C17orf100: variants seen among roughly 807,000 people sequenced by gnomAD.
C17orf100 encodes uncharacterized protein C17orf100.
A neutral mutation model predicts 0.7 loss-of-function variants in C17orf100; 1 was observed. The ratio of observed to expected loss-of-function variants is 1.50; its 90% CI spans 0.53 to 7.13. C17orf100 has a LOEUF of 7.13. Ranked by LOEUF, C17orf100 falls within the 30% of genes most tolerant of loss-of-function variation. The pLI, the probability that C17orf100 is intolerant of heterozygous loss-of-function variation, is 0.14. For missense variants in C17orf100, 168 were observed against 171.5 expected (o/e 0.98, Z 0.11); for synonymous variants, 87 against 84.0 (o/e 1.04, Z -0.20).
At position 6,651,871 on chromosome 17, in the gene C17orf100, G is replaced by C. The variant is rs1255449141; in HGVS notation, c.-43G>C. 1.2e-5 allele frequency: 18 copies of C among 1,456,228 alleles called. No individual in the cohort carries two copies. The highest frequency in any genetic ancestry group is 1.6e-5 in the Non-Finnish European group (18 of 1,103,864). The allele number at this position is 1,456,228 out of a possible 1,614,324, so 90.2% of individuals were successfully genotyped here. A position where few individuals can be genotyped will look rare whatever the true frequency, so the allele number is the denominator to read the frequency against. On this transcript the variant is annotated 5_prime_UTR_variant, in exon 1 of 1. Transcript: ENST00000542475. Reference sequence around the variant, plus strand: ...TTCTGCCTGCGGTGACCATTGGGCTGTAGGGTGCCCCGAGGCCTCCCTGGC... The same window carrying C: ...TTCTGCCTGCGGTGACCATTGGGCTCTAGGGTGCCCCGAGGCCTCCCTGGC...
Position 6,652,260 on chromosome 17 carries a change from C to T in C17orf100, c.347C>T (p.Thr116Met), listed in dbSNP as rs757329725. The T allele has an allele frequency of 1.9e-6, 3 of 1,611,198 alleles. No individual in the cohort carries two copies. The highest frequency in any genetic ancestry group is 2.5e-6 in the Non-Finnish European group (3 of 1,179,762). The stretch of plus-strand genomic sequence containing the variant: ...CCGGCCGCCCGCCAGAACGAAAAAA[C>T]GGCCCGATGAGATGCTGCTTCCCAA... ...AKPAARQNEKTAR is the reference protein window; with the variant it reads ...AKPAARQNEKMAR The change falls in exon 1 of 1, where the codon ACG (threonine) becomes ATG (methionine). Residue 116 changes from threonine (T) to methionine (M), a missense_variant. Physicochemically the swap from Thr to Met is moderately conservative, Grantham distance 81 (BLOSUM62 -1). Coordinates refer to ENST00000542475, the MANE Select transcript of C17orf100 (RefSeq NM_001105520.2).
rs1329827966 is a variant in C17orf100, at chr17:6,652,294, A to C, written c.*24A>C. ...GAGATGCTGCTTCCCAAAGGCCACC[A>C]AGGGGCCAGGGCCCTCAGCCAGGAC... On this transcript the variant is annotated 3_prime_UTR_variant, in exon 1 of 1. Coordinates refer to ENST00000542475, the MANE Select transcript of C17orf100 (RefSeq NM_001105520.2). 4 of 1,611,082 alleles carry C rather than the reference A, an allele frequency of 2.5e-6. No individual in the cohort carries two copies. Among genetic ancestry groups the C allele is most frequent in the Non-Finnish European group, 3.4e-6 (4 of 1,179,270 alleles).
Position 6,652,291 on chromosome 17 carries a change from A to G in C17orf100, c.*21A>G. ...GATGAGATGCTGCTTCCCAAAGGCC[A>G]CCAAGGGGCCAGGGCCCTCAGCCAG... On this transcript the variant is annotated 3_prime_UTR_variant, in exon 1 of 1. Coordinates refer to ENST00000542475, the MANE Select transcript of C17orf100 (RefSeq NM_001105520.2). 1.2e-6 allele frequency: 2 copies of G among 1,611,438 alleles called. No homozygotes were observed. Among genetic ancestry groups the G allele is most frequent in the East Asian group, 4.5e-5 (2 of 44,854 alleles).
rs1165306848 is a variant in C17orf100, at chr17:6,653,228, C to G, written c.*958C>G. The stretch of plus-strand genomic sequence containing the variant: ...GTGAAAAAGAATGGTTGTAAGAGTA[C>G]TTAAAGTACTATTTCTACTGAATGT... On this transcript the variant is annotated 3_prime_UTR_variant, in exon 1 of 1. Transcript: ENST00000542475. The G allele has an allele frequency of 6.0e-6, 1 of 167,020 alleles. No homozygotes were observed. The highest frequency in any genetic ancestry group is 1.9e-4 in the East Asian group (1 of 5,208). 10.3% of individuals were successfully genotyped at this position (167,020 alleles called of 1,614,324 possible). A position where few individuals can be genotyped will look rare whatever the true frequency, so the allele number is the denominator to read the frequency against.
chr17:6,652,539 A>T lies in C17orf100; in HGVS notation c.*269A>T. 7.3e-7 allele frequency: 1 copy of T among 1,376,424 alleles called. No homozygotes were observed. Among genetic ancestry groups the T allele is most frequent in the Non-Finnish European group, 9.5e-7 (1 of 1,048,646 alleles). The allele number at this position is 1,376,424 out of a possible 1,614,324, so 85.3% of individuals were successfully genotyped here. On this transcript the variant is annotated 3_prime_UTR_variant, in exon 1 of 1. Transcript: ENST00000542475. ...AGCACAGAAGGTTTTCAGGCCCAGG[A>T]TGCTGTCTAAATCGGGTTGATGGAC...
chr17:6,652,123 C>T lies in C17orf100; in HGVS notation c.210C>T (p.His70=), dbSNP rs1292539932. The stretch of plus-strand genomic sequence containing the variant: ...GCATCCTCGAGGCGTCCTCCCGGCA[C>T]GTGGAATCCTCCTCGCAGCGCACGG... ...LPRILEASSR[H]VESSSQRTET... The change falls in exon 1 of 1, where the codon CAC becomes CAT. Residue 70 remains histidine (H), a synonymous_variant. Transcript: ENST00000542475. 4 of 1,594,178 alleles carry T rather than the reference C, an allele frequency of 2.5e-6. No individual in the cohort carries two copies. Among genetic ancestry groups the T allele is most frequent in the Non-Finnish European group, 3.4e-6 (4 of 1,175,688 alleles).
rs1972849230 is a variant in C17orf100 at position 6,652,178 on chromosome 17, T to C, written c.265T>C (p.Ser89Pro). The C allele has an allele frequency of 6.2e-7, 1 of 1,604,780 alleles. No homozygotes were observed. Among genetic ancestry groups the C allele is most frequent in the South Asian group, 1.1e-5 (1 of 90,922 alleles). The change falls in exon 1 of 1, where the codon TCC (serine) becomes CCC (proline). Residue 89 changes from serine to proline, a missense_variant. Coordinates refer to ENST00000542475, the MANE Select transcript of C17orf100 (RefSeq NM_001105520.2). ...GACCTCCCGCCACGTCAGAGCCTCGTCCCTGAGGGTGGAGACGTCTCTGCA... is the reference window on the plus strand; with the variant it reads ...GACCTCCCGCCACGTCAGAGCCTCGCCCCTGAGGGTGGAGACGTCTCTGCA... ...ETTSRHVRAS[S>P]LRVETSLHCA...
rs1171336132 is a variant in C17orf100 at position 6,652,084 on chromosome 17, G to GA, written c.173dup (p.Arg59AlafsTer116). 6.3e-7 allele frequency: 1 copy of GA among 1,576,564 alleles called. No homozygotes were observed. The highest frequency in any genetic ancestry group is 1.8e-5 in the Admixed American group (1 of 55,796). ...AGGGGCCCTCCCTCTCCCCCTCGGG[G>GA]AAGCGGCTCCCTCGCATCCTCGAGG... is the stretch of plus-strand genomic sequence containing the variant. On this transcript the variant is annotated frameshift_variant, in exon 1 of 1. Coordinates refer to ENST00000542475, the MANE Select transcript of C17orf100 (RefSeq NM_001105520.2). LOFTEE classifies it low-confidence loss of function (END_TRUNC).
rs768477274 is a variant in C17orf100 at position 6,652,210 on chromosome 17, G to C, written c.297G>C (p.Ala99=). 6.2e-7 allele frequency: 1 copy of C among 1,606,630 alleles called. No individual in the cohort carries two copies. Among genetic ancestry groups the C allele is most frequent in the East Asian group, 2.2e-5 (1 of 44,856 alleles). ...GGGTGGAGACGTCTCTGCACTGCGC[G>C]GAGAGCCCGACCCCGCGGGCCAAGC... is the stretch of plus-strand genomic sequence containing the variant. ...SLRVETSLHC[A]ESPTPRAKPA... The change falls in exon 1 of 1, where the codon GCG becomes GCC. Residue 99 remains alanine, a synonymous_variant. Coordinates refer to ENST00000542475, the MANE Select transcript of C17orf100 (RefSeq NM_001105520.2).
Position 6,653,459 on chromosome 17 carries a change from G to A in C17orf100, c.*1189G>A, listed in dbSNP as rs934224580. ...GATTAGCACTATGAAGGAAATACAT[G>A]GGTAATGTGATAGAGAATGGAAGTA... On this transcript the variant is annotated 3_prime_UTR_variant, in exon 1 of 1. Transcript: ENST00000542475. 3 of 152,638 alleles carry A rather than the reference G, an allele frequency of 2.0e-5. No individual in the cohort carries two copies. Among genetic ancestry groups the A allele is most frequent in the Non-Finnish European group, 2.9e-5 (2 of 68,044 alleles). The allele number at this position is 152,638 out of a possible 1,614,324, so 9.5% of individuals were successfully genotyped here.
Position 6,652,138 on chromosome 17 carries a change from G to A in C17orf100, c.225G>A (p.Ser75=), listed in dbSNP as rs370170034. The part of the protein sequence containing the change: ...EASSRHVESS[S]QRTETTSRHV... ...CCTCCCGGCACGTGGAATCCTCCTCGCAGCGCACGGAAACGACCTCCCGCC... is the reference window on the plus strand; with the variant it reads ...CCTCCCGGCACGTGGAATCCTCCTCACAGCGCACGGAAACGACCTCCCGCC... The change falls in exon 1 of 1, where the codon TCG becomes TCA. Residue 75 remains serine, a synonymous_variant. Transcript: ENST00000542475. The A allele has an allele frequency of 4.1e-5, 65 of 1,597,214 alleles. No homozygotes were observed. Among genetic ancestry groups the A allele is most frequent in the Admixed American group, 4.1e-4 (24 of 59,130 alleles).
chr17:6,651,988 C>T lies in C17orf100; in HGVS notation c.75C>T (p.Val25=). The change falls in exon 1 of 1, where the codon GTC becomes GTT. Residue 25 remains valine, a synonymous_variant. Transcript: ENST00000542475. ...CCCGCTACACAGAGACGTCCACGGTCCGCGTGGAGACCTCGTCCCACCGCG... is the reference window on the plus strand; with the variant it reads ...CCCGCTACACAGAGACGTCCACGGTTCGCGTGGAGACCTCGTCCCACCGCG... ...GTTRYTETST[V]RVETSSHRVE... 3 of 1,553,236 alleles carry T rather than the reference C, an allele frequency of 1.9e-6. No individual in the cohort carries two copies. The highest frequency in any genetic ancestry group is 1.2e-5 in the South Asian group (1 of 84,162).
At position 6,652,448 on chromosome 17, in the gene C17orf100, T is replaced by C; in HGVS notation, c.*178T>C. On this transcript the variant is annotated 3_prime_UTR_variant, in exon 1 of 1. Coordinates refer to ENST00000542475, the MANE Select transcript of C17orf100 (RefSeq NM_001105520.2). Reference sequence around the variant, plus strand: ...CGCAGTTTCTGAACACAGCCAACGTTTACTGACCGTCCTGCGTCTTGGACC... The same window carrying C: ...CGCAGTTTCTGAACACAGCCAACGTCTACTGACCGTCCTGCGTCTTGGACC... 2 of 1,477,914 alleles carry C rather than the reference T, an allele frequency of 1.4e-6. No homozygotes were observed. The highest frequency in any genetic ancestry group is 1.8e-6 in the Non-Finnish European group (2 of 1,113,712). The allele number at this position is 1,477,914 out of a possible 1,614,324, so 91.6% of individuals were successfully genotyped here.
At position 6,652,875 on chromosome 17, in the gene C17orf100, T is replaced by TAGAAG. The variant is rs144808411; in HGVS notation, c.*609_*610insGAGAA. ...ACCCACCAGCAAGCAAAAATAATCT[T>TAGAAG]AGAAAGTGAGAGGAGGTCACTGAAA... is the stretch of plus-strand genomic sequence containing the variant. On this transcript the variant is annotated 3_prime_UTR_variant, in exon 1 of 1. Transcript: ENST00000542475. 0.26 allele frequency: 43,476 copies of TAGAAG among 166,980 alleles called. 6,902 individuals carry two copies. Among genetic ancestry groups the TAGAAG allele is most frequent in the African/African-American group, 0.46 (18,847 of 41,284 alleles). The allele number at this position is 166,980 out of a possible 1,614,324, so 10.3% of individuals were successfully genotyped here. A position where few individuals can be genotyped will look rare whatever the true frequency, so the allele number is the denominator to read the frequency against.
At position 6,652,246 on chromosome 17, in the gene C17orf100, C is replaced by T; in HGVS notation, c.333C>T (p.Arg111=). 1 of 1,610,242 alleles carries T rather than the reference C, an allele frequency of 6.2e-7. No individual in the cohort carries two copies. The highest frequency in any genetic ancestry group is 8.5e-7 in the Non-Finnish European group (1 of 1,179,764). The change falls in exon 1 of 1, where the codon CGC becomes CGT. Residue 111 remains arginine (R), a synonymous_variant. Coordinates refer to ENST00000542475, the MANE Select transcript of C17orf100 (RefSeq NM_001105520.2). ...SPTPRAKPAA[R]QNEKTAR is the part of the protein sequence containing the mutation. The stretch of plus-strand genomic sequence containing the variant: ...CCCCGCGGGCCAAGCCGGCCGCCCG[C>T]CAGAACGAAAAAACGGCCCGATGAG...
chr17:6,652,138 G>T lies in C17orf100; in HGVS notation c.225G>T (p.Ser75=), dbSNP rs370170034. 12 of 1,597,096 alleles carry T rather than the reference G, an allele frequency of 7.5e-6. No individual in the cohort carries two copies. The African/African-American group carries it at 1.2e-4, about 16-fold the overall frequency. Residue 75 remains serine (S), a synonymous_variant, in exon 1 of 1, where the codon TCG becomes TCT. Transcript: ENST00000542475. ...CCTCCCGGCACGTGGAATCCTCCTC[G>T]CAGCGCACGGAAACGACCTCCCGCC... ...EASSRHVESS[S]QRTETTSRHV...
In C17orf100 at chr17:6,652,817, A is replaced by C. The variant is rs1194865914; in HGVS notation, c.*547A>C. 5.9e-6 allele frequency: 1 copy of C among 169,308 alleles called. No individual in the cohort carries two copies. The highest frequency in any genetic ancestry group is 1.4e-5 in the Non-Finnish European group (1 of 69,664). 10.5% of individuals were successfully genotyped at this position (169,308 alleles called of 1,614,324 possible). ...GCACCCCCATCCATACACTTTTTTA[A>C]GGTAGGTTAGATGTGGTTAAAAATG... is the stretch of plus-strand genomic sequence containing the variant. On this transcript the variant is annotated 3_prime_UTR_variant, in exon 1 of 1. Coordinates refer to ENST00000542475, the MANE Select transcript of C17orf100 (RefSeq NM_001105520.2).
Position 6,652,564 on chromosome 17 carries a change from C to A in C17orf100, c.*294C>A. The A allele has an allele frequency of 8.1e-7, 1 of 1,235,124 alleles. No homozygotes were observed. The highest frequency in any genetic ancestry group is 1.1e-6 in the Non-Finnish European group (1 of 940,600). The allele number at this position is 1,235,124 out of a possible 1,614,324, so 76.5% of individuals were successfully genotyped here. A position where few individuals can be genotyped will look rare whatever the true frequency, so the allele number is the denominator to read the frequency against. On this transcript the variant is annotated 3_prime_UTR_variant, in exon 1 of 1. Transcript: ENST00000542475. ...ATGCTGTCTAAATCGGGTTGATGGA[C>A]AAAGAGAGGCTGTTTGAGCCTCTGA...
Position 6,652,217 on chromosome 17 carries a change from C to A in C17orf100, c.304C>A (p.Pro102Thr), listed in dbSNP as rs371004918. The A allele has an allele frequency of 9.5e-5, 153 of 1,607,022 alleles. No individual in the cohort carries two copies. In the African/African-American group the frequency reaches 1.8e-3, roughly 19 times the overall value. Residue 102 changes from proline to threonine, a missense_variant, in exon 1 of 1, where the codon CCG (proline) becomes ACG (threonine). Transcript: ENST00000542475. The part of the protein sequence containing the change: ...VETSLHCAES[P>T]TPRAKPAARQ... ...GACGTCTCTGCACTGCGCGGAGAGC[C>A]CGACCCCGCGGGCCAAGCCGGCCGC... is the stretch of plus-strand genomic sequence containing the variant.
Sources: gnomAD v4.1 joint callset for allele counts on GRCh38, gnomAD v4.1.1 for gene constraint, MANE v1.5 for transcripts, NCBI Gene and HGNC (gene_info 2026-07-23, HGNC 2026-07-21) for gene names.